Variants in SGCZ observed in about 807,000 individuals in gnomAD.
SGCZ encodes the protein sarcoglycan zeta.
Under a neutral mutation model 41.3 loss-of-function variants are expected in SGCZ, and 40 were observed. That is an observed-to-expected ratio of 0.97 (90% CI 0.75 to 1.26). The LOEUF (loss-of-function observed/expected upper bound fraction) is 1.26, where lower values mean the gene tolerates loss of function less well. Ranked by LOEUF, SGCZ falls within the 50% of genes most tolerant of loss-of-function variation. SGCZ has a pLI of 0.00. For synonymous variants in SGCZ, 206 were observed against 137.5 expected, an observed-to-expected ratio of 1.50 and a Z score of -3.49; for missense variants, 552 against 369.8, an observed-to-expected ratio of 1.49 and a Z score of -4.04.
At chr8:14,905,951 C>A (rs919599607) in intron 1 of SGCZ, among the ~76,000 whole-genome samples, 2 of 151,622 alleles carry the variant, frequency 1.3e-5, no homozygotes, top group African/African-American at 4.8e-5. Flanking sequence ...AAAGAATATA[C>A]CTATGAGGAA....
intron 3 of SGCZ, among the ~76,000 whole-genome samples, chr8:14,318,905 T>C (rs1801817279): frequency 6.6e-6 from 1 of 151,318 alleles, no homozygotes; most frequent in Non-Finnish European, 1.5e-5. Context: ...AAGAAGATTG[T>C]AGACCAAAGG....
At chr8:14,795,100 C>A (rs979245676) in intron 1 of SGCZ, among the ~76,000 whole-genome samples, 1 of 151,904 alleles carries the variant, frequency 6.6e-6, no homozygotes, top group African/African-American at 2.4e-5. Flanking sequence ...AACAGAAGAC[C>A]CAACACAGAA....
chr8:14,681,079 G>C (rs1219785279), intron 1 of SGCZ, among the ~76,000 whole-genome samples: 4 of 151,180 alleles, frequency 2.6e-5, no homozygotes, highest in Non-Finnish European at 5.9e-5. Flanking sequence ...TAATGAGCTA[G>C]ACAAATACAT....
chr8:14,458,731 T>C (rs1473740752), intron 2 of SGCZ, among the ~76,000 whole-genome samples: 3 of 152,096 alleles, frequency 2.0e-5, no homozygotes, highest in African/African-American at 7.2e-5. Flanking sequence ...CTATAATCTA[T>C]CTATTTCCCA....
chr8:14,519,203 C>T (rs1802715434), intron 2 of SGCZ, among the ~76,000 whole-genome samples: 3 of 151,704 alleles, frequency 2.0e-5, no homozygotes, highest in South Asian at 4.1e-4. Context: ...GAATAGAATG[C>T]TGATTTGATT....
chr8:14,469,974 G>A (rs1303941544), intron 2 of SGCZ, among the ~76,000 whole-genome samples: 1 of 152,092 alleles, frequency 6.6e-6, no homozygotes, highest in Admixed American at 6.5e-5. Context: ...ACTCCAGCAA[G>A]TTAATTGAAC....
At chr8:14,890,867 T>C (rs1489972671) in intron 1 of SGCZ, among the ~76,000 whole-genome samples, 1 of 152,272 alleles carries the variant, frequency 6.6e-6, no homozygotes, top group South Asian at 2.1e-4. Context: ...ATTTCCAAAA[T>C]CCTCAGGCTC....
intron 1 of SGCZ, among the ~76,000 whole-genome samples, chr8:14,826,999 A>T (rs1290481250): frequency 2.0e-5 from 3 of 152,004 alleles, no homozygotes; most frequent in Non-Finnish European, 2.9e-5. Context: ...TTAGACATGA[A>T]GTCCTTGCCC....
chr8:14,394,134 G>GCACC (rs1554511262), intron 2 of SGCZ, among the ~76,000 whole-genome samples: 5 of 128,782 alleles, frequency 3.9e-5, no homozygotes, highest in African/African-American at 1.7e-4. Context: ...CTGCCCTACC[G>GCACC]CCCCCCACCT....
intron 1 of SGCZ, among the ~76,000 whole-genome samples, chr8:14,662,026 T>A (rs1380214246): frequency 6.6e-6 from 1 of 152,190 alleles, no homozygotes; most frequent in African/African-American, 2.4e-5. Context: ...TTGCTAAAAT[T>A]AACCAGCTAA....
chr8:15,208,816 A>T (rs1023262977), intron 1 of SGCZ, among the ~76,000 whole-genome samples: 1 of 152,056 alleles, frequency 6.6e-6, no homozygotes, highest in African/African-American at 2.4e-5. Context: ...AGGGATACAT[A>T]TATATCCACA....
chr8:14,164,597 T>A lies in SGCZ; in HGVS notation c.530A>T (p.Glu177Val). ...ADEDEITIGA[E>V]KLKVTGTEGA... ...TACAGTACCTGTAACTTTCAGCTTTTCAGCCCCAATGGTAATCTCATCTTC... is the reference window on the plus strand; with the variant it reads ...TACAGTACCTGTAACTTTCAGCTTTACAGCCCCAATGGTAATCTCATCTTC... Residue 177 changes from glutamate to valine, a missense_variant, in exon 5 of 8, where the codon GAA becomes GTA. Physicochemically the swap from Glu to Val is moderately radical, Grantham distance 121. Coordinates refer to ENST00000382080, the MANE Select transcript of SGCZ (RefSeq NM_139167.4). 6.2e-7 allele frequency: 1 copy of A among 1,613,516 alleles called. No individual in the cohort carries two copies. Among genetic ancestry groups the A allele is most frequent in the Non-Finnish European group, 8.5e-7 (1 of 1,179,614 alleles).
intron 3 of SGCZ, among the ~76,000 whole-genome samples, chr8:14,246,693 G>A (rs902985231): frequency 4.6e-5 from 7 of 151,716 alleles, no homozygotes; most frequent in African/African-American, 1.4e-4. Flanking sequence ...AGATCACGGG[G>A]TCAGGAGATC....
chr8:14,655,294 C>T (rs1205390717), intron 1 of SGCZ, among the ~76,000 whole-genome samples: 1 of 151,978 alleles, frequency 6.6e-6, no homozygotes, highest in African/African-American at 2.4e-5. Flanking sequence ...TATGTAACTG[C>T]TTGTAGAAGG....
At chr8:15,041,479 G>C (rs1401097545) in intron 1 of SGCZ, among the ~76,000 whole-genome samples, 1 of 151,772 alleles carries the variant, frequency 6.6e-6, no homozygotes, top group African/African-American at 2.4e-5. Flanking sequence ...AATTTTATAT[G>C]GCTTATTTTC....
At chr8:14,673,267 C>A (rs1157568144) in intron 1 of SGCZ, among the ~76,000 whole-genome samples, 1 of 152,192 alleles carries the variant, frequency 6.6e-6, no homozygotes, top group Non-Finnish European at 1.5e-5. Flanking sequence ...TCATCTCAAA[C>A]TGTAATTCCC....
intron 1 of SGCZ, among the ~76,000 whole-genome samples, chr8:14,715,145 A>G (rs1809647316): frequency 6.6e-6 from 1 of 152,212 alleles, no homozygotes; most frequent in African/African-American, 2.4e-5. Flanking sequence ...GAAAATAAGT[A>G]GTTTGACCTT....
At chr8:15,191,283 T>C (rs1470807234) in intron 1 of SGCZ, among the ~76,000 whole-genome samples, 2 of 152,206 alleles carry the variant, frequency 1.3e-5, no homozygotes, top group East Asian at 3.9e-4. Context: ...CTAGTCTGTA[T>C]TCAACGTATT....
chr8:14,790,122 A>G (rs1346294846), intron 1 of SGCZ, among the ~76,000 whole-genome samples: 1 of 152,182 alleles, frequency 6.6e-6, no homozygotes, highest in Admixed American at 6.5e-5. Context: ...CATTGAATGC[A>G]TGTATGTGTT....
Sources: allele counts gnomAD v4.1 joint callset (sites outside exome capture counted in the v4.1 genomes callset), GRCh38; gene constraint gnomAD v4.1.1; transcripts MANE v1.5; gene names NCBI Gene and HGNC (gene_info 2026-07-23, HGNC 2026-07-21).